The following THOC1 variants were observed in gnomAD, a reference collection of about 807,000 sequenced individuals.
THOC1 encodes THO complex subunit 1.
In THOC1, 29 loss-of-function variants were observed where a neutral mutation model predicts 97.3. That is an observed-to-expected ratio of 0.30 (90% CI 0.22 to 0.41). THOC1 has a LOEUF of 0.41. THOC1 is among the 10% of genes least tolerant of loss of function. The pLI is 1.00. For missense variants in THOC1, 529 were observed against 761.9 expected (o/e 0.69, Z 3.60); for synonymous variants, 255 against 257.0 (o/e 0.99, Z 0.07).
intron 17 of THOC1, 145 bp downstream of exon 17, chr18:223,295 G>T: frequency 1.8e-6 from 1 of 565,156 alleles, no homozygotes; most frequent in South Asian, 2.7e-5. Context: ...GAGTTTTATG[G>T]TGGGAAGTTA....
At chr18:220,701 TATTCA>T (rs1911046505) in intron 17 of THOC1, among the ~76,000 whole-genome samples, 1 of 152,242 alleles carries the variant, frequency 6.6e-6, no homozygotes, top group Non-Finnish European at 1.5e-5. Context: ...TGAATCTGAC[TATTCA>T]TTTGTACATT....
chr18:264,577 G>C (rs1228068579), intron 3 of THOC1, among the ~76,000 whole-genome samples: 1 of 152,188 alleles, frequency 6.6e-6, no homozygotes, highest in Non-Finnish European at 1.5e-5. Context: ...CTGAAAGAAC[G>C]GTATTTCCCC....
At chr18:255,613 A>G (rs1912413353) in intron 7 of THOC1, among the ~76,000 whole-genome samples, 1 of 152,250 alleles carries the variant, frequency 6.6e-6, no homozygotes, top group Non-Finnish European at 1.5e-5. Context: ...TGAAGCAGCA[A>G]CTACCAATGG....
chr18:236,379 G>A (rs1376547494), intron 11 of THOC1, among the ~76,000 whole-genome samples: 2 of 139,640 alleles, frequency 1.4e-5, no homozygotes, highest in South Asian at 4.4e-4. Flanking sequence ...TTTTTGAGAC[G>A]GAGTCTCGCT....
chr18:217,533 A>G (rs941190957), intron 18 of THOC1, among the ~76,000 whole-genome samples: 1 of 152,204 alleles, frequency 6.6e-6, no homozygotes, highest in Non-Finnish European at 1.5e-5. Context: ...ATCGACAAAC[A>G]CTTTTGAGCC....
chr18:259,556 TGTTA>T, intron 6 of THOC1, 122 bp downstream of exon 6: 2 of 782,212 alleles, frequency 2.6e-6, no homozygotes, highest in Non-Finnish European at 4.2e-6. Context: ...CAAATCAGAT[TGTTA>T]GTTAAAAATG....
At chr18:261,153 GAAC>G (rs1186770926) in intron 4 of THOC1, 1 of 152,118 alleles carries the variant, frequency 6.6e-6, no homozygotes, top group African/African-American at 2.4e-5. Context: ...ACTGTTTAAA[GAAC>G]AACAAAATTA....
At chr18:237,281 T>G (rs1025489972) in intron 11 of THOC1, among the ~76,000 whole-genome samples, 1 of 151,652 alleles carries the variant, frequency 6.6e-6, no homozygotes, top group African/African-American at 2.4e-5. Context: ...CTCAGCCTCC[T>G]GAGCAGCTGG....
chr18:229,494 A>T (rs544078994), intron 11 of THOC1, among the ~76,000 whole-genome samples: 2 of 149,672 alleles, frequency 1.3e-5, no homozygotes, highest in Admixed American at 1.4e-4. Flanking sequence ...AGCCTGGCCA[A>T]CATGGTGAAA....
At chr18:243,201 T>C (rs938307995) in intron 11 of THOC1, among the ~76,000 whole-genome samples, 1 of 152,210 alleles carries the variant, frequency 6.6e-6, no homozygotes, top group African/African-American at 2.4e-5. Context: ...GTGATATTAA[T>C]TAATGAAATT....
At chr18:264,817 A>G (rs574457660) in intron 3 of THOC1, 2 of 153,036 alleles carry the variant, frequency 1.3e-5, no homozygotes, top group Admixed American at 6.5e-5. Context: ...CAGGTGCCCC[A>G]TTATTGGTAA....
intron 17 of THOC1, among the ~76,000 whole-genome samples, chr18:221,960 T>C (rs1386186166): frequency 6.6e-6 from 1 of 152,166 alleles, no homozygotes; most frequent in East Asian, 1.9e-4. Flanking sequence ...AGAAAGTCCA[T>C]TTCCATTTAT....
chr18:242,169 C>T lies in THOC1; in HGVS notation c.918+4155G>A, dbSNP rs992183097. Reference sequence around the variant, plus strand: ...TGTAGTTGCCACATGACTGGCCTATCTCCAACTATAAAGTTTATATCATCT... The same window carrying T: ...TGTAGTTGCCACATGACTGGCCTATTTCCAACTATAAAGTTTATATCATCT... On this transcript the variant is annotated intron_variant, in intron 11 of 20. Coordinates refer to ENST00000261600, the MANE Select transcript of THOC1 (RefSeq NM_005131.3). The surrounding 1 kb of genome is among the most constrained non-coding windows in gnomAD (Gnocchi z 4.5). 6.6e-6 allele frequency among the ~76,000 whole-genome samples: 1 copy of T among 152,170 alleles called. No homozygotes were observed. Among genetic ancestry groups the T allele is most frequent in the African/African-American group, 2.4e-5 (1 of 41,422 alleles).
intron 19 of THOC1, chr18:216,240 C>G (rs1470433917): frequency 2.5e-6 from 1 of 392,836 alleles, no homozygotes; most frequent in Non-Finnish European, 4.6e-6. Context: ...TCGTGAGCCA[C>G]CGCACCCACA....
At chr18:244,206 A>T (rs1490934085) in intron 11 of THOC1, 3 of 152,108 alleles carry the variant, frequency 2.0e-5, no homozygotes, top group African/African-American at 7.2e-5. Context: ...CGTTAATAAA[A>T]TTTTTTAATT....
At chr18:248,612 T>C (rs528768506) in intron 9 of THOC1, among the ~76,000 whole-genome samples, 67 of 152,316 alleles carry the variant, frequency 4.4e-4, no homozygotes, top group African/African-American at 1.5e-3. Context: ...GAAGCACCAG[T>C]ATGAGAAAAA....
At chr18:265,029 C>G (rs549716730) in intron 3 of THOC1, 2 of 360,838 alleles carry the variant, frequency 5.5e-6, no homozygotes, top group African/African-American at 4.3e-5. Flanking sequence ...AGAGAGCCCA[C>G]CTTCACCTCT....
At chr18:224,733 T>C (rs1250829897) in intron 15 of THOC1, among the ~76,000 whole-genome samples, 191 bp downstream of exon 15, 2 of 152,172 alleles carry the variant, frequency 1.3e-5, no homozygotes, top group Admixed American at 1.3e-4. Context: ...TGACAAGAAA[T>C]TTATGAGGTT....
At chr18:235,705 C>T (rs1952469984) in intron 11 of THOC1, among the ~76,000 whole-genome samples, 1 of 152,036 alleles carries the variant, frequency 6.6e-6, no homozygotes, top group African/African-American at 2.4e-5. Context: ...GAAATGTGGC[C>T]AGAGAATGTG....
Sources: gnomAD v4.1 joint callset for allele counts (sites outside exome capture counted in the v4.1 genomes callset) on GRCh38, gnomAD v4.1.1 for gene constraint, Gnocchi (gnomAD v3.1) non-coding constraint, MANE v1.5 for transcripts, NCBI Gene and HGNC (gene_info 2026-07-23, HGNC 2026-07-21) for gene names.